WDR27: variants seen among roughly 807,000 people sequenced by gnomAD.
The protein encoded by WDR27 is WD repeat domain 27.
A neutral mutation model predicts 114.4 loss-of-function variants in WDR27; 100 were observed. The ratio of observed to expected loss-of-function variants is 0.87; its 90% CI spans 0.74 to 1.03. The LOEUF (loss-of-function observed/expected upper bound fraction) is 1.03. WDR27 is among the 50% of genes least tolerant of loss of function. WDR27 has a pLI of 0.00. For missense variants in WDR27, 1,129 were observed against 1,092.9 expected, an observed-to-expected ratio of 1.03 and a Z score of -0.47; for synonymous variants, 449 against 423.1, an observed-to-expected ratio of 1.06 and a Z score of -0.75.
At chr6:169,551,658 A>C (rs946571366) in intron 25 of WDR27, among the ~76,000 whole-genome samples, 5 of 148,074 alleles carry the variant, frequency 3.4e-5, no homozygotes, top group African/African-American at 1.2e-4. Flanking sequence ...AATCACTTGA[A>C]CCCAGGAGGT....
rs550393422 is a variant in WDR27 at position 169,464,525 on chromosome 6, G to A, written c.2646-6891C>T. On this transcript the variant is annotated intron_variant, in intron 25 of 25. Coordinates refer to ENST00000448612, the MANE Select transcript of WDR27 (RefSeq NM_182552.5). Reference sequence around the variant, plus strand: ...GGCCCAGGCAATCAGAGAAAAAATAGACAAGTGGAAAAATTTTTTAAGTTT... The same window carrying A: ...GGCCCAGGCAATCAGAGAAAAAATAAACAAGTGGAAAAATTTTTTAAGTTT... Among the ~76,000 whole-genome samples, 9 of 152,276 alleles carry A rather than the reference G, an allele frequency of 5.9e-5. No homozygotes were observed. In the South Asian group the frequency reaches 1.9e-3, roughly 32 times the overall value.
the WDR27 span, among the ~76,000 whole-genome samples, chr6:169,428,882 G>T: frequency 6.6e-6 from 1 of 152,200 alleles, no homozygotes; most frequent in East Asian, 1.9e-4. Flanking sequence ...TCTCAAGGCT[G>T]CCTTGAGCTC....
At chr6:169,556,472 T>C (rs1189012321) in intron 25 of WDR27, among the ~76,000 whole-genome samples, 1 of 152,192 alleles carries the variant, frequency 6.6e-6, no homozygotes, top group Non-Finnish European at 1.5e-5. Context: ...AATACTGTCA[T>C]GTAGCAACGG....
intron 25 of WDR27, among the ~76,000 whole-genome samples, chr6:169,547,246 T>C (rs924957886): frequency 5.3e-5 from 8 of 152,074 alleles, no homozygotes; most frequent in Non-Finnish European, 7.4e-5. Context: ...GATATTTAAA[T>C]AAGAAATGAA....
In WDR27 at chr6:169,665,700, T is replaced by C. The variant is rs747192632; in HGVS notation, c.713-144A>G. On this transcript the variant is annotated intron_variant, in intron 6 of 25. Coordinates refer to ENST00000448612, the MANE Select transcript of WDR27 (RefSeq NM_182552.5). ...TCAAGTTTGAACTATTCCAAAATAA[T>C]TTCTTCACCAAAAAGTAAAACTTGC... 8.5e-5 allele frequency: 69 copies of C among 811,066 alleles called. 1 individual carries two copies. Among genetic ancestry groups the C allele is most frequent in the Non-Finnish European group, 1.2e-4 (64 of 534,518 alleles). 50.2% of individuals were successfully genotyped at this position (811,066 alleles called of 1,614,324 possible). A position where few individuals can be genotyped will look rare whatever the true frequency, so the allele number is the denominator to read the frequency against.
intron 25 of WDR27, among the ~76,000 whole-genome samples, chr6:169,464,631 A>G (rs998293908): frequency 6.6e-6 from 1 of 152,236 alleles, no homozygotes; most frequent in African/African-American, 2.4e-5. Flanking sequence ...CTACCTGACA[A>G]GAAGCAAATT....
intron 24 of WDR27, among the ~76,000 whole-genome samples, chr6:169,578,576 T>C (rs1184453588): frequency 6.6e-6 from 1 of 152,196 alleles, no homozygotes; most frequent in Non-Finnish European, 1.5e-5. Flanking sequence ...CGAAAGTGCA[T>C]GGGCTTGGAA....
At chr6:169,598,992 T>C (rs983782807) in intron 23 of WDR27, among the ~76,000 whole-genome samples, 9 of 139,392 alleles carry the variant, frequency 6.5e-5, no homozygotes. Flanking sequence ...AAGTTATTTC[T>C]TTTTTTTTAT....
At chr6:169,582,797 A>G in intron 24 of WDR27, 39 bp downstream of exon 24, 1 of 1,502,162 alleles carries the variant, frequency 6.7e-7, no homozygotes, top group South Asian at 1.2e-5. Flanking sequence ...TAAGACTTGT[A>G]TGCAGCAGAG....
chr6:169,695,041 C>T (rs781653536), intron 1 of WDR27, among the ~76,000 whole-genome samples: 12 of 152,216 alleles, frequency 7.9e-5, no homozygotes, highest in Non-Finnish European at 1.8e-4. Flanking sequence ...AATCCAGGTG[C>T]TTTTGCCCAA....
At chr6:169,558,091 C>G (rs1463270142) in intron 25 of WDR27, among the ~76,000 whole-genome samples, 3 of 151,914 alleles carry the variant, frequency 2.0e-5, no homozygotes, top group Non-Finnish European at 4.4e-5. Flanking sequence ...AAAGGTGTGC[C>G]CTGCATTTCA....
chr6:169,514,614 TA>T, intron 25 of WDR27, among the ~76,000 whole-genome samples: 1 of 148,260 alleles, frequency 6.7e-6, no homozygotes, highest in East Asian at 2.0e-4. Context: ...AATTTTTTAA[TA>T]AAAAATGATC....
intron 23 of WDR27, among the ~76,000 whole-genome samples, chr6:169,596,747 G>C (rs1806872429): frequency 6.6e-6 from 1 of 152,042 alleles, no homozygotes; most frequent in African/African-American, 2.4e-5. Context: ...ACACACATAA[G>C]ATCTTGGTTC....
In WDR27 at chr6:169,659,575, A is replaced by G. The variant is rs1825380939; in HGVS notation, c.1130-57T>C. The G allele has an allele frequency of 1.3e-6, 2 of 1,524,422 alleles. No individual in the cohort carries two copies. The highest frequency in any genetic ancestry group is 2.7e-5 in the African/African-American group (2 of 72,842). The allele number at this position is 1,524,422 out of a possible 1,614,324, so 94.4% of individuals were successfully genotyped here. On this transcript the variant is annotated intron_variant, in intron 10 of 25. Coordinates refer to ENST00000448612, the MANE Select transcript of WDR27 (RefSeq NM_182552.5). This position sits in a 1 kb window ranked among gnomAD's most constrained non-coding sequence, Gnocchi z 4.3. ...ATGGGGAGGGAGGTAGCACATACAC[A>G]CGGAGTCACTGCCCAGAGCCCACCA...
Position 169,638,551 on chromosome 6 carries a change from G to A in WDR27, c.1857C>T (p.Leu619=), listed in dbSNP as rs771819354. 26 of 1,610,922 alleles carry A rather than the reference G, an allele frequency of 1.6e-5. No homozygotes were observed. The highest frequency in any genetic ancestry group is 1.8e-4 in the Middle Eastern group (1 of 5,576). ...LRMWSARGAE[L]ALLLGKDMFS... is the part of the protein sequence containing the mutation. ...GACTGTCCATTACCAGAAGCAGTGC[G>A]AGCTCTGCCCCACGAGCCGACCACA... The change falls in exon 18 of 26, where the codon CTC becomes CTT. Residue 619 remains leucine (L), a synonymous_variant. Coordinates refer to ENST00000448612, the MANE Select transcript of WDR27 (RefSeq NM_182552.5).
chr6:169,483,029 A>G (rs148261428), intron 25 of WDR27, among the ~76,000 whole-genome samples: 161 of 152,346 alleles, frequency 1.1e-3, no homozygotes, highest in African/African-American at 3.7e-3. Flanking sequence ...GGGACAAGCT[A>G]AAGCAGTATT....
At chr6:169,491,688 C>T (rs1789784762) in intron 25 of WDR27, among the ~76,000 whole-genome samples, 1 of 152,126 alleles carries the variant, frequency 6.6e-6, no homozygotes, top group Non-Finnish European at 1.5e-5. Context: ...CCAGGGCTGG[C>T]AGGGCTCCAC....
rs369277930 is a variant in WDR27 at position 169,651,981 on chromosome 6, C to T, written c.1430G>A (p.Arg477His). 8.1e-6 allele frequency: 13 copies of T among 1,613,662 alleles called. No homozygotes were observed. Among genetic ancestry groups the T allele is most frequent in the South Asian group, 3.3e-5 (3 of 91,070 alleles). The change falls in exon 14 of 26, where the codon CGC (arginine) becomes CAC (histidine). Residue 477 changes from arginine to histidine, a missense_variant. Transcript: ENST00000448612. Reference protein sequence around the residue: ...RAARNVMKDQRLVFHSKVRSS... With the variant: ...RAARNVMKDQHLVFHSKVRSS... The stretch of plus-strand genomic sequence containing the variant: ...CCTAACTTTACTATGGAAAACCAGG[C>T]GTTGGTCCTTCATGACGTTCCGTGC...
At chr6:169,604,313 T>TGATG (rs1808664003) in intron 22 of WDR27, among the ~76,000 whole-genome samples, 2 of 152,080 alleles carry the variant, frequency 1.3e-5, no homozygotes, top group African/African-American at 4.8e-5. Context: ...CATCAGAGAC[T>TGATG]ATAATGAAAA....
Sources: allele counts gnomAD v4.1 joint callset (sites outside exome capture counted in the v4.1 genomes callset), GRCh38; gene constraint gnomAD v4.1.1; non-coding constraint Gnocchi (gnomAD v3.1); transcripts MANE v1.5; gene names NCBI Gene and HGNC (gene_info 2026-07-23, HGNC 2026-07-21).